Variants in ASCC2 observed in about 807,000 individuals in gnomAD.
ASCC2 encodes the protein ASC-1 complex subunit P100.
In ASCC2, 42 loss-of-function variants were observed where a neutral mutation model predicts 93.5. The observed-to-expected ratio is 0.45, with a 90% CI of 0.35 to 0.58. The LOEUF (loss-of-function observed/expected upper bound fraction) is 0.58. Ranked by LOEUF, ASCC2 falls within the 20% of genes least tolerant of loss-of-function variation. The pLI, the probability that ASCC2 is intolerant of heterozygous loss-of-function variation, is 0.00. For missense variants in ASCC2, 859 were observed against 977.6 expected (o/e 0.88, Z 1.62); for synonymous variants, 364 against 384.2 (o/e 0.95, Z 0.62).
chr22:29,820,447 C>T (rs2061418511), intron 5 of ASCC2, among the ~76,000 whole-genome samples: 1 of 151,792 alleles, frequency 6.6e-6, no homozygotes, highest in Non-Finnish European at 1.5e-5. Flanking sequence ...CAGGCGTGAG[C>T]CACCTCGCCT....
intron 1 of ASCC2, among the ~76,000 whole-genome samples, chr22:29,833,272 A>C (rs980108459): frequency 1.3e-5 from 2 of 152,226 alleles, no homozygotes; most frequent in Non-Finnish European, 2.9e-5. Context: ...ACTACATATG[A>C]GGACACTCCT....
At chr22:29,832,439 C>T in intron 1 of ASCC2, 97 bp from the exon 2 acceptor site, 1 of 944,042 alleles carries the variant, frequency 1.1e-6, no homozygotes, top group Non-Finnish European at 1.6e-6. Flanking sequence ...AGAGAAGCTT[C>T]AACCTCTCGC....
intron 5 of ASCC2, among the ~76,000 whole-genome samples, chr22:29,819,923 G>C (rs1668853532): frequency 6.7e-6 from 1 of 150,226 alleles, no homozygotes; most frequent in South Asian, 2.1e-4. Context: ...GTAGTGGTGT[G>C]ATCATAGTTC....
chr22:29,825,276 G>A lies in ASCC2; in HGVS notation c.241-19C>T. Reference sequence around the variant, plus strand: ...AGATCACCTAAACCAGGAGACAGAGGAGAGCGAGGATTTATCCCTTAGGCC... The same window carrying A: ...AGATCACCTAAACCAGGAGACAGAGAAGAGCGAGGATTTATCCCTTAGGCC... On this transcript the variant is annotated intron_variant, in intron 3 of 19. Coordinates refer to ENST00000307790, the MANE Select transcript of ASCC2 (RefSeq NM_032204.5). The surrounding 1 kb of genome is among the most constrained non-coding windows in gnomAD (Gnocchi z 4.9). 6.6e-7 allele frequency: 1 copy of A among 1,508,816 alleles called. No individual in the cohort carries two copies. The highest frequency in any genetic ancestry group is 8.9e-7 in the Non-Finnish European group (1 of 1,129,672). 93.5% of individuals were successfully genotyped at this position (1,508,816 alleles called of 1,614,324 possible).
Position 29,825,281 on chromosome 22 carries a change from C to T in ASCC2, c.241-24G>A, listed in dbSNP as rs1179659805. On this transcript the variant is annotated intron_variant, in intron 3 of 19. Coordinates refer to ENST00000307790, the MANE Select transcript of ASCC2 (RefSeq NM_032204.5). The surrounding 1 kb of genome is among the most constrained non-coding windows in gnomAD (Gnocchi z 4.9). ...ACCTAAACCAGGAGACAGAGGAGAG[C>T]GAGGATTTATCCCTTAGGCCCCAGG... The T allele has an allele frequency of 2.6e-5, 39 of 1,506,004 alleles. No individual in the cohort carries two copies. The highest frequency in any genetic ancestry group is 3.4e-5 in the Non-Finnish European group (38 of 1,128,112). 93.3% of individuals were successfully genotyped at this position (1,506,004 alleles called of 1,614,324 possible).
chr22:29,807,699 T>C (rs953808961), intron 9 of ASCC2, among the ~76,000 whole-genome samples: 19 of 151,764 alleles, frequency 1.3e-4, no homozygotes, highest in Admixed American at 7.2e-4. Flanking sequence ...TAAAAAAAAA[T>C]GCAGTTCAAG....
At chr22:29,797,666 G>A (rs1426189676) in intron 15 of ASCC2, among the ~76,000 whole-genome samples, 1 of 152,220 alleles carries the variant, frequency 6.6e-6, no homozygotes, top group Non-Finnish European at 1.5e-5. Context: ...TCAACAAAGT[G>A]AATCCTGTTT....
At position 29,825,712 on chromosome 22, in the gene ASCC2, G is replaced by A; in HGVS notation, c.150C>T (p.Ala50=). Residue 50 remains alanine (A), a synonymous_variant, in exon 3 of 20, where the codon GCC becomes GCT. Coordinates refer to ENST00000307790, the MANE Select transcript of ASCC2 (RefSeq NM_032204.5). The surrounding 1 kb of genome is among the most constrained non-coding windows in gnomAD (Gnocchi z 4.9). ...CGCGTTCCAGGTACTCCTCCACTAG[G>A]GCGGGAATGTTGTCTTTAGGGGGCG... The part of the protein sequence containing the change: ...YKPPPKDNIP[A]LVEEYLERAT... The A allele has an allele frequency of 6.2e-7, 1 of 1,614,222 alleles. No individual in the cohort carries two copies. The highest frequency in any genetic ancestry group is 8.5e-7 in the Non-Finnish European group (1 of 1,180,048).
chr22:29,809,356 C>T (rs1428629361), intron 8 of ASCC2, among the ~76,000 whole-genome samples: 2 of 151,996 alleles, frequency 1.3e-5, no homozygotes, highest in East Asian at 1.9e-4. Context: ...TTTTAGTTAA[C>T]TAATTAATTT....
intron 2 of ASCC2, chr22:29,826,110 GAA>G (rs745347008): frequency 9.5e-5 from 19 of 199,534 alleles, no homozygotes; most frequent in Non-Finnish European, 1.6e-4. Flanking sequence ...TTGTTATGAA[GAA>G]AAACCAGAGC....
chr22:29,791,977 G>A lies in ASCC2; in HGVS notation c.2022+456C>T, dbSNP rs537139089. The stretch of plus-strand genomic sequence containing the variant: ...TGCCCTGTCACCTGAGCAGTACCGC[G>A]TTTATCTGTTCTGTACGTTGAGGTT... On this transcript the variant is annotated intron_variant, in intron 18 of 19. Coordinates refer to ENST00000307790, the MANE Select transcript of ASCC2 (RefSeq NM_032204.5). 6.6e-5 allele frequency among the ~76,000 whole-genome samples: 10 copies of A among 152,310 alleles called. 1 individual carries two copies. The South Asian group carries it at 1.4e-3, about 22-fold the overall frequency.
intron 5 of ASCC2, among the ~76,000 whole-genome samples, chr22:29,819,489 C>T (rs539048077): frequency 1.3e-5 from 2 of 152,150 alleles, no homozygotes; most frequent in Non-Finnish European, 2.9e-5. Flanking sequence ...TCCCTGCACC[C>T]ATCCTATGGG....
chr22:29,826,479 C>A (rs2062343492), intron 2 of ASCC2, among the ~76,000 whole-genome samples: 2 of 151,866 alleles, frequency 1.3e-5, no homozygotes, highest in Admixed American at 6.6e-5. Context: ...CCATGCCTGG[C>A]TAATTTTTTT....
intron 5 of ASCC2, among the ~76,000 whole-genome samples, chr22:29,817,234 C>T (rs1052296617): frequency 6.6e-6 from 1 of 152,096 alleles, no homozygotes. Context: ...TGAAGGTGTG[C>T]CCAGACCATC....
chr22:29,807,935 A>G (rs1266012261), intron 9 of ASCC2, among the ~76,000 whole-genome samples, 176 bp downstream of exon 9: 1 of 152,132 alleles, frequency 6.6e-6, no homozygotes, highest in African/African-American at 2.4e-5. Flanking sequence ...AACAAAAAAA[A>G]AAACAAATGC....
intron 7 of ASCC2, 47 bp downstream of exon 7, chr22:29,814,610 T>C (rs1470360759): frequency 6.6e-7 from 1 of 1,503,880 alleles, no homozygotes; most frequent in Non-Finnish European, 9.0e-7. Flanking sequence ...TAGGCCCTGG[T>C]TGGAGGGACC....
intron 14 of ASCC2, 85 bp downstream of exon 14, chr22:29,801,909 C>T: frequency 8.8e-7 from 1 of 1,140,954 alleles, no homozygotes; most frequent in Non-Finnish European, 1.3e-6. Context: ...AGTCCTGGGC[C>T]ATGAATGAGG....
At chr22:29,822,612 T>A (rs941045780) in intron 4 of ASCC2, 148 bp from the exon 5 acceptor site, 51 of 735,040 alleles carry the variant, frequency 6.9e-5, no homozygotes, top group Non-Finnish European at 8.5e-5. Context: ...ATGGCCATTC[T>A]CCCCCCGCCC....
At chr22:29,817,076 G>T (rs1205790589) in intron 5 of ASCC2, among the ~76,000 whole-genome samples, 1 of 152,172 alleles carries the variant, frequency 6.6e-6, no homozygotes, top group Non-Finnish European at 1.5e-5. Context: ...ATGGGGCTGG[G>T]TGAGTAAGCA....
Sources: allele counts gnomAD v4.1 joint callset (sites outside exome capture counted in the v4.1 genomes callset), GRCh38; gene constraint gnomAD v4.1.1; non-coding constraint Gnocchi (gnomAD v3.1); transcripts MANE v1.5; gene names NCBI Gene and HGNC (gene_info 2026-07-23, HGNC 2026-07-21).